The following TRIM2 variants were observed in gnomAD, a reference collection of about 807,000 sequenced individuals.
TRIM2 encodes tripartite motif-containing protein 2.
In TRIM2, 20 loss-of-function variants were observed where a neutral mutation model predicts 75.2. That is an observed-to-expected ratio of 0.27 (90% CI 0.19 to 0.39). The LOEUF (loss-of-function observed/expected upper bound fraction) is 0.39, where lower values mean the gene tolerates loss of function less well. Ranked by LOEUF, TRIM2 falls within the 10% of genes least tolerant of loss-of-function variation. The probability of loss-of-function intolerance (pLI) is 1.00; values close to 1 mark genes in which losing one functional copy is unlikely to be tolerated. For missense variants in TRIM2, 660 were observed against 990.8 expected (o/e 0.67, Z 4.48); for synonymous variants, 373 against 388.3 (o/e 0.96, Z 0.46).
rs117825558 is a variant in TRIM2, at chr4:153,332,363, G to A, written c.2164-2451G>A. 6.8e-4 allele frequency among the ~76,000 whole-genome samples: 104 copies of A among 152,268 alleles called. 3 individuals are homozygous for A. The East Asian group carries it at 0.018, about 26-fold the overall frequency. ...CCAATTAGAATAATGAACAAAAGGC[G>A]GCTGGGTGCTGTGGCTCACATCTGT... On this transcript the variant is annotated intron_variant, in intron 11 of 11. Transcript: ENST00000338700.
At chr4:153,211,575 C>T (rs1168851730) in intron 1 of TRIM2, among the ~76,000 whole-genome samples, 1 of 151,172 alleles carries the variant, frequency 6.6e-6, no homozygotes, top group South Asian at 2.1e-4. Flanking sequence ...GCAGCCTTCA[C>T]CTCCCAGACA....
At chr4:153,172,507 G>A (rs1730992730) in intron 1 of TRIM2, among the ~76,000 whole-genome samples, 1 of 152,060 alleles carries the variant, frequency 6.6e-6, no homozygotes, top group Non-Finnish European at 1.5e-5. Flanking sequence ...ATTTTTAACT[G>A]ACTCTGGAAA....
chr4:153,278,660 A>G (rs1758551329), intron 3 of TRIM2, among the ~76,000 whole-genome samples: 3 of 152,270 alleles, frequency 2.0e-5, no homozygotes, highest in African/African-American at 4.8e-5. Flanking sequence ...TCAGCTGGGC[A>G]TGATGGGGCT....
intron 1 of TRIM2, among the ~76,000 whole-genome samples, chr4:153,182,217 C>T (rs1732139049): frequency 6.6e-6 from 1 of 152,172 alleles, no homozygotes; most frequent in African/African-American, 2.4e-5. Context: ...CAAGGAGGGG[C>T]ACCTCCTAAG....
intron 1 of TRIM2, among the ~76,000 whole-genome samples, chr4:153,256,925 G>T (rs1336718826): frequency 6.6e-6 from 1 of 152,150 alleles, no homozygotes; most frequent in South Asian, 2.1e-4. Context: ...TTGTTTGTTT[G>T]TTTTTTGCAT....
chr4:153,279,573 T>C (rs1288379559), intron 3 of TRIM2, among the ~76,000 whole-genome samples: 1 of 152,154 alleles, frequency 6.6e-6, no homozygotes, highest in Non-Finnish European at 1.5e-5. Context: ...GGAAATTTTA[T>C]AGGTTTAAGT....
upstream of TRIM2, among the ~76,000 whole-genome samples, chr4:153,202,171 C>T (rs1579496002): frequency 6.6e-6 from 1 of 152,258 alleles, no homozygotes; most frequent in Admixed American, 6.5e-5. Flanking sequence ...ATCAGAAGGG[C>T]TTGAGAAAAA....
rs116740728 is a variant in TRIM2 at position 153,302,699 on chromosome 4, T to C, written c.1510+6663T>C. On this transcript the variant is annotated intron_variant, in intron 6 of 11. Coordinates refer to ENST00000338700, the MANE Select transcript of TRIM2 (RefSeq NM_015271.5). ...TGGACAAATCAGCAGTGGAGGCTAC[T>C]TGAACTCCCTCTGTGCTCTCACACA... Among the ~76,000 whole-genome samples the C allele has an allele frequency of 3.1e-3, 477 of 152,368 alleles. 1 individual carries two copies. Among genetic ancestry groups the C allele is most frequent in the African/African-American group, 0.011 (438 of 41,584 alleles).
rs1209366783 is a variant in TRIM2 at position 153,244,355 on chromosome 4, C to CTCTTCTTCTTCTTCT, written c.31-25912_31-25898dup. On this transcript the variant is annotated intron_variant, in intron 1 of 11. Coordinates refer to ENST00000338700, the MANE Select transcript of TRIM2 (RefSeq NM_015271.5). ...CTTCTTCTTCTTCTTCTTCTTCTTC[C>CTCTTCTTCTTCTTCT]TCTTCTTCTTCTTCTTCTTCTTCTT... is the stretch of plus-strand genomic sequence containing the variant. Among the ~76,000 whole-genome samples, 22 of 12,694 alleles carry CTCTTCTTCTTCTTCT rather than the reference C, an allele frequency of 1.7e-3. 2 individuals carry two copies. Among genetic ancestry groups the CTCTTCTTCTTCTTCT allele is most frequent in the South Asian group, 5.4e-3 (1 of 186 alleles). The allele number at this position is 12,694 out of a possible 152,430, so 8.3% of individuals were successfully genotyped here.
chr4:153,237,210 A>G (rs575148473), intron 1 of TRIM2, among the ~76,000 whole-genome samples: 1 of 152,264 alleles, frequency 6.6e-6, no homozygotes, highest in East Asian at 1.9e-4. Flanking sequence ...TCTACATGCA[A>G]TTGGAGCTGG....
rs142677431 is a variant in TRIM2 at position 153,168,557 on chromosome 4, T to A, written c.-49+15287T>A. 3.2e-3 allele frequency among the ~76,000 whole-genome samples: 488 copies of A among 152,198 alleles called. 4 individuals are homozygous for A. Among genetic ancestry groups the A allele is most frequent in the African/African-American group, 0.011 (467 of 41,532 alleles). ...ATGATCTTAATAACAACAAATTAGA[T>A]AATCATGATTGCCTGGGATTAACAC... On this transcript the variant is annotated intron_variant, in intron 1 of 11. Transcript: ENST00000437508.
At chr4:153,162,366 A>G (rs1028135700) in intron 1 of TRIM2, among the ~76,000 whole-genome samples, 54 of 152,350 alleles carry the variant, frequency 3.5e-4, no homozygotes, top group African/African-American at 1.3e-3. Flanking sequence ...TAGAGACCCA[A>G]GGAAAGCCAG....
At chr4:153,306,107 T>G (rs990511206) in intron 6 of TRIM2, among the ~76,000 whole-genome samples, 6 of 150,008 alleles carry the variant, frequency 4.0e-5, no homozygotes, top group African/African-American at 1.5e-4. Context: ...CCAGCCTGGA[T>G]GACAGAGCAA....
chr4:153,311,297 C>G (rs1024588900), intron 6 of TRIM2, among the ~76,000 whole-genome samples: 2 of 152,150 alleles, frequency 1.3e-5, no homozygotes, highest in Admixed American at 1.3e-4. Flanking sequence ...AAAACAGACT[C>G]TTTTTGACTA....
At chr4:153,241,123 A>T (rs1746456859) in intron 1 of TRIM2, among the ~76,000 whole-genome samples, 1 of 152,168 alleles carries the variant, frequency 6.6e-6, no homozygotes, top group African/African-American at 2.4e-5. Context: ...AGTATGTGTC[A>T]CTCTTAAGTA....
intron 8 of TRIM2, among the ~76,000 whole-genome samples, chr4:153,317,665 A>G (rs1002770421): frequency 2.0e-5 from 3 of 151,898 alleles, no homozygotes; most frequent in Non-Finnish European, 4.4e-5. Flanking sequence ...GAAAAAAAAA[A>G]AAAAAGATCT....
chr4:153,304,261 G>A (rs781005066), intron 6 of TRIM2, among the ~76,000 whole-genome samples: 4 of 152,018 alleles, frequency 2.6e-5, no homozygotes, highest in Non-Finnish European at 4.4e-5. Context: ...CTACAGGCGT[G>A]CACCACCACA....
intron 1 of TRIM2, among the ~76,000 whole-genome samples, chr4:153,186,771 C>A (rs1253322060): frequency 1.3e-5 from 2 of 151,954 alleles, no homozygotes; most frequent in East Asian, 3.9e-4. Context: ...CTGTTCATAT[C>A]AAAAAAAGCC....
At position 153,215,360 on chromosome 4, in the gene TRIM2, G is replaced by A. The variant is rs1353609943; in HGVS notation, c.30+10800G>A. On this transcript the variant is annotated intron_variant, in intron 1 of 11. Coordinates refer to ENST00000338700, the MANE Select transcript of TRIM2 (RefSeq NM_015271.5). Reference sequence around the variant, plus strand: ...CATGAGTCTGGGGCATGCACCCTGGGATCACTGTTCAGAGCTGAAAATGCA... The same window carrying A: ...CATGAGTCTGGGGCATGCACCCTGGAATCACTGTTCAGAGCTGAAAATGCA... 2.0e-5 allele frequency among the ~76,000 whole-genome samples: 3 copies of A among 152,074 alleles called. No individual in the cohort carries two copies. The East Asian group carries it at 5.8e-4, about 29-fold the overall frequency.
Sources: allele counts gnomAD v4.1 joint callset (sites outside exome capture counted in the v4.1 genomes callset), GRCh38; gene constraint gnomAD v4.1.1; transcripts MANE v1.5; gene names NCBI Gene and HGNC (gene_info 2026-07-23, HGNC 2026-07-21).